The following LINC00305 variants were observed in gnomAD, a reference collection of about 807,000 sequenced individuals.
LINC00305 encodes the protein long independently transcribed non-coding RNA 305, also known as long intergenic non-protein coding RNA 305.
intron 1 of LINC00305, among the ~76,000 whole-genome samples, chr18:64,137,781 A>G (rs1261628366): frequency 6.6e-6 from 1 of 152,110 alleles, no homozygotes; most frequent in Non-Finnish European, 1.5e-5. Context: ...GAACACCTAT[A>G]TGAATTTACT....
chr18:64,099,446 A>G (rs2051259735), intron 1 of LINC00305, among the ~76,000 whole-genome samples: 1 of 152,184 alleles, frequency 6.6e-6, no homozygotes, highest in South Asian at 2.1e-4. Flanking sequence ...TACAGGTTTC[A>G]GTGGTTAAGA....
At chr18:64,141,074 AAAAT>A (rs2051460569) in intron 1 of LINC00305, among the ~76,000 whole-genome samples, 4 of 151,080 alleles carry the variant, frequency 2.6e-5, no homozygotes, top group African/African-American at 9.7e-5. Flanking sequence ...AAAAAAAAAA[AAAAT>A]GATTCTTCCC....
intron 1 of LINC00305, among the ~76,000 whole-genome samples, chr18:64,110,049 A>G (rs759631957): frequency 1.6e-4 from 25 of 152,250 alleles, no homozygotes; most frequent in Non-Finnish European, 2.8e-4. Context: ...TCTTCTTCCA[A>G]TATGGCCCAT....
At chr18:64,114,174 G>A (rs1371486755) in intron 1 of LINC00305, among the ~76,000 whole-genome samples, 3 of 152,210 alleles carry the variant, frequency 2.0e-5, no homozygotes, top group Non-Finnish European at 4.4e-5. Context: ...GGAGGCTGAG[G>A]CAGGAGAATG....
chr18:64,139,286 T>A (rs544584445), intron 1 of LINC00305, among the ~76,000 whole-genome samples: 10 of 152,360 alleles, frequency 6.6e-5, no homozygotes, highest in Admixed American at 5.9e-4. Context: ...CTGCTGTGCC[T>A]ATTCACATAA....
intron 1 of LINC00305, among the ~76,000 whole-genome samples, chr18:64,102,338 C>G (rs1196975324): frequency 2.0e-5 from 3 of 152,148 alleles, no homozygotes; most frequent in African/African-American, 7.2e-5. Flanking sequence ...ATTTTAATCT[C>G]CTACCTTTCC....
intron 3 of LINC00305, among the ~76,000 whole-genome samples, chr18:64,085,066 C>G (rs1478163953): frequency 1.3e-5 from 2 of 152,154 alleles, no homozygotes; most frequent in Non-Finnish European, 2.9e-5. Flanking sequence ...GATGTGCATT[C>G]GAGGAGAGTT....
chr18:64,140,098 T>C (rs1380121280), intron 1 of LINC00305, among the ~76,000 whole-genome samples: 1 of 152,136 alleles, frequency 6.6e-6, no homozygotes, highest in Non-Finnish European at 1.5e-5. Flanking sequence ...CTGCCCCTTT[T>C]CCCAATTCCC....
intron 1 of LINC00305, among the ~76,000 whole-genome samples, chr18:64,148,583 G>C (rs1323776315): frequency 6.6e-6 from 1 of 152,060 alleles, no homozygotes; most frequent in Non-Finnish European, 1.5e-5. Context: ...AAGATGGGGG[G>C]TTATCTCCAG....
At chr18:64,094,856 A>AAAAT (rs754074493) in intron 3 of LINC00305, among the ~76,000 whole-genome samples, 666 of 120,834 alleles carry the variant, frequency 5.5e-3, no homozygotes, top group South Asian at 0.01. Context: ...TTCATCTCAA[A>AAAAT]AAATAAATAA....
intron 3 of LINC00305, among the ~76,000 whole-genome samples, chr18:64,094,736 G>T (rs1308912751): frequency 6.6e-6 from 1 of 152,036 alleles, no homozygotes; most frequent in Non-Finnish European, 1.5e-5. Flanking sequence ...GTTGGCAGGT[G>T]CCTGTAATCC....
At chr18:64,139,375 A>G (rs899296297) in intron 1 of LINC00305, 2 of 152,212 alleles carry the variant, frequency 1.3e-5, no homozygotes, top group African/African-American at 4.8e-5. Flanking sequence ...GGTACTAGGT[A>G]TAGCCTGATA....
chr18:64,127,899 T>A (rs1175515380), intron 1 of LINC00305, among the ~76,000 whole-genome samples: 1 of 152,076 alleles, frequency 6.6e-6, no homozygotes, highest in Non-Finnish European at 1.5e-5. Flanking sequence ...CTGAACATGC[T>A]AGGAATGAGG....
chr18:64,119,542 G>A (rs1286713267), intron 1 of LINC00305, among the ~76,000 whole-genome samples: 1 of 152,064 alleles, frequency 6.6e-6, no homozygotes, highest in Admixed American at 6.6e-5. Context: ...TACTAAAGAA[G>A]GTCTCATAAC....
intron 1 of LINC00305, among the ~76,000 whole-genome samples, chr18:64,143,301 C>G (rs2051473158): frequency 6.6e-6 from 1 of 151,942 alleles, no homozygotes; most frequent in Non-Finnish European, 1.5e-5. Context: ...AACAAAGCAC[C>G]AAGATGACAC....
At chr18:64,089,174 G>A (rs901948543) in intron 3 of LINC00305, among the ~76,000 whole-genome samples, 3 of 152,174 alleles carry the variant, frequency 2.0e-5, no homozygotes, top group African/African-American at 7.2e-5. Context: ...CCGGTGGGAG[G>A]TGATTGGATC....
In LINC00305 at chr18:64,147,904, A is replaced by T. The variant is rs142740749; in HGVS notation, n.314+871T>A. On this transcript the variant is annotated intron_variant and non_coding_transcript_variant, in intron 1 of 3. Coordinates refer to ENST00000666468, the Ensembl canonical transcript of LINC00305. The stretch of plus-strand genomic sequence containing the variant: ...GGTGCAGCTGGTTTTGGCCTTTTAC[A>T]ATGAAGTCCTTTTGTCCCTACACTT... Among the ~76,000 whole-genome samples, 728 of 151,872 alleles carry T rather than the reference A, an allele frequency of 4.8e-3. 7 individuals are homozygous for T. Among genetic ancestry groups the T allele is most frequent in the African/African-American group, 0.017 (703 of 41,438 alleles).
intron 1 of LINC00305, chr18:64,147,178 T>C (rs1217686715): frequency 6.6e-6 from 1 of 152,178 alleles, no homozygotes; most frequent in Non-Finnish European, 1.5e-5. Context: ...GCCATGGTAG[T>C]ACAATCTCAG....
chr18:64,096,287 T>A (rs2051244815), intron 3 of LINC00305, among the ~76,000 whole-genome samples: 1 of 151,778 alleles, frequency 6.6e-6, no homozygotes, highest in Non-Finnish European at 1.5e-5. Flanking sequence ...TTAATGCAAT[T>A]CCAACAAAAA....
Sources: gnomAD v4.1 joint callset for allele counts (sites outside exome capture counted in the v4.1 genomes callset) on GRCh38, gnomAD v4.1.1 for gene constraint, MANE v1.5 for transcripts, NCBI Gene and HGNC (gene_info 2026-07-23, HGNC 2026-07-21) for gene names.